The following IL17RB variants were observed in gnomAD, a reference collection of about 807,000 sequenced individuals.
IL17RB encodes interleukin 17 receptor B.
IL17RB carries 36 observed loss-of-function variants against 43.9 expected under a neutral mutation model. The ratio of observed to expected loss-of-function variants is 0.82; its 90% CI spans 0.63 to 1.08. The LOEUF (loss-of-function observed/expected upper bound fraction) is 1.08. Among genes scored for constraint, IL17RB ranks in the 50% least tolerant of loss-of-function variants. IL17RB has a pLI of 0.00. For missense variants in IL17RB, 613 were observed against 613.6 expected (o/e 1.00, Z 0.01); for synonymous variants, 225 against 225.4 (o/e 1.00, Z 0.02).
intron 3 of IL17RB, among the ~76,000 whole-genome samples, chr3:53,850,800 CAAAAT>C (rs59205078): frequency 0.49 from 72,742 of 149,870 alleles, 19,376 homozygotes; most frequent in African/African-American, 0.73. Flanking sequence ...GAGACTGTCT[CAAAAT>C]AAAATAAAAT....
intron 8 of IL17RB, chr3:53,858,143 T>C: frequency 5.4e-6 from 1 of 186,808 alleles, no homozygotes; most frequent in Admixed American, 5.4e-5. Flanking sequence ...CTCCTTCACC[T>C]CTCAGTATGT....
intron 3 of IL17RB, among the ~76,000 whole-genome samples, chr3:53,850,171 G>A (rs1699082317): frequency 6.6e-6 from 1 of 152,242 alleles, no homozygotes; most frequent in Non-Finnish European, 1.5e-5. Context: ...TACAGAAAGT[G>A]CCAAGCAAAC....
chr3:53,865,570 G>A lies in IL17RB; in HGVS notation c.*262G>A. On this transcript the variant is annotated 3_prime_UTR_variant, in exon 11 of 11. Coordinates refer to ENST00000288167, the MANE Select transcript of IL17RB (RefSeq NM_018725.4). ...TGAAAACTATAACCATTTTGATAAT[G>A]CAACAATAAAGCATCTTCAGCCAAA... 1 of 417,278 alleles carries A rather than the reference G, an allele frequency of 2.4e-6. No individual in the cohort carries two copies. Among genetic ancestry groups the A allele is most frequent in the Non-Finnish European group, 4.3e-6 (1 of 233,488 alleles). 25.8% of individuals were successfully genotyped at this position (417,278 alleles called of 1,614,324 possible).
Position 53,846,739 on chromosome 3 carries a change from A to G in IL17RB, c.60+91A>G. 4 of 1,367,120 alleles carry G rather than the reference A, an allele frequency of 2.9e-6. No individual in the cohort carries two copies. The South Asian group carries it at 5.3e-5, about 18-fold the overall frequency. 84.7% of individuals were successfully genotyped at this position (1,367,120 alleles called of 1,614,324 possible). On this transcript the variant is annotated intron_variant, in intron 1 of 10. Transcript: ENST00000288167. ...GATCCGCCAGTCCAGGCTGCCCCGA[A>G]GGCGTGCGCGGACTGCCGGCTCAAG...
At chr3:53,864,692 T>G (rs529594641) in intron 10 of IL17RB, 54 bp from the exon 11 acceptor site, 2 of 1,335,070 alleles carry the variant, frequency 1.5e-6, no homozygotes, top group East Asian at 4.6e-5. Context: ...GTTTACAGAG[T>G]GAAAGCCTGC....
intron 5 of IL17RB, 37 bp from the exon 6 acceptor site, chr3:53,855,257 T>C (rs764633318): frequency 6.7e-7 from 1 of 1,497,634 alleles, no homozygotes; most frequent in Admixed American, 1.7e-5. Context: ...AGAGATACCT[T>C]TTTCTAAAAT....
intron 6 of IL17RB, among the ~76,000 whole-genome samples, chr3:53,856,384 C>G (rs1263418833): frequency 1.3e-5 from 2 of 152,240 alleles, no homozygotes; most frequent in Non-Finnish European, 2.9e-5. Context: ...TCTAGTGAAG[C>G]TGGCAGAATG....
chr3:53,850,281 G>A (rs6445609), intron 3 of IL17RB, among the ~76,000 whole-genome samples: 8,206 of 152,188 alleles, frequency 0.054, 741 homozygotes, highest in African/African-American at 0.19. Context: ...TGGATCACTT[G>A]AGGCCAGGAG....
chr3:53,850,932 C>T (rs542489089), intron 3 of IL17RB, among the ~76,000 whole-genome samples: 7 of 152,226 alleles, frequency 4.6e-5, no homozygotes, highest in South Asian at 2.1e-4. Flanking sequence ...ATGAGTGTCC[C>T]GATGCATCAA....
chr3:53,847,645 G>C (rs934932027), intron 1 of IL17RB, among the ~76,000 whole-genome samples: 1 of 151,674 alleles, frequency 6.6e-6, no homozygotes, highest in South Asian at 2.1e-4. Context: ...AATACAAAAA[G>C]TAGCCGGGCA....
Position 53,852,111 on chromosome 3 carries a change from A to C in IL17RB, c.339A>C (p.Arg113Ser). ...NYTEAFQTQT[R>S]PSGGKWTFSY... is the part of the protein sequence containing the mutation. ...CAGAGGCCTTCCAGACTCAGACCAG[A>C]CCCTCTGGTGGTAAAGTAAGCACTT... Residue 113 changes from arginine (R) to serine (S), a missense_variant, in exon 4 of 11, where the codon AGA becomes AGC. Physicochemically the swap from Arg to Ser is moderately radical, Grantham distance 110 (BLOSUM62 -1). Coordinates refer to ENST00000288167, the MANE Select transcript of IL17RB (RefSeq NM_018725.4). 1 of 1,613,882 alleles carries C rather than the reference A, an allele frequency of 6.2e-7. No individual in the cohort carries two copies. Among genetic ancestry groups the C allele is most frequent in the Non-Finnish European group, 8.5e-7 (1 of 1,179,982 alleles).
chr3:53,849,750 G>T lies in IL17RB; in HGVS notation c.181G>T (p.Asp61Tyr). 3 of 1,612,412 alleles carry T rather than the reference G, an allele frequency of 1.9e-6. No individual in the cohort carries two copies. The South Asian group carries it at 3.3e-5, about 18-fold the overall frequency. Residue 61 changes from aspartate (D) to tyrosine (Y), a missense_variant, in exon 3 of 11, where the codon GAC becomes TAC. Asp to Tyr is a radical substitution (Grantham distance 160). Coordinates refer to ENST00000288167, the MANE Select transcript of IL17RB (RefSeq NM_018725.4). ...TGTTACAACTAGTGTTGCAACAGGG[G>T]ACTATTCAATTTTGATGAATGTAAG... ...EPVTTSVATGDYSILMNVSWV... is the reference protein window; with the variant it reads ...EPVTTSVATGYYSILMNVSWV...
chr3:53,847,145 G>A (rs951230880), intron 1 of IL17RB, among the ~76,000 whole-genome samples: 2 of 152,072 alleles, frequency 1.3e-5, no homozygotes, highest in Middle Eastern at 3.2e-3. Context: ...AATGATCGAG[G>A]GAATCTTCTG....
At chr3:53,861,999 C>G (rs915235815) in intron 10 of IL17RB, among the ~76,000 whole-genome samples, 1 of 152,140 alleles carries the variant, frequency 6.6e-6, no homozygotes. Flanking sequence ...AACCCCCTGG[C>G]CTTGAAGGGA....
intron 8 of IL17RB, 105 bp from the exon 9 acceptor site, chr3:53,858,614 T>G (rs9840079): frequency 0.49 from 729,848 of 1,503,852 alleles, 186,641 homozygotes; most frequent in East Asian, 0.95. Context: ...ACTAGAGGTA[T>G]GGGCGAAGCC....
At chr3:53,848,352 A>C (rs1200676864) in intron 1 of IL17RB, among the ~76,000 whole-genome samples, 1 of 152,224 alleles carries the variant, frequency 6.6e-6, no homozygotes, top group African/African-American at 2.4e-5. Flanking sequence ...ATCGGTCCCA[A>C]GTCATCCCCT....
rs761074939 is a variant in IL17RB, at chr3:53,846,638, C to T, written c.50C>T (p.Pro17Leu). The T allele has an allele frequency of 1.9e-6, 3 of 1,592,546 alleles. No homozygotes were observed. The highest frequency in any genetic ancestry group is 8.5e-7 in the Non-Finnish European group (1 of 1,172,636). Residue 17 changes from proline to leucine, a missense_variant, in exon 1 of 11, where the codon CCC becomes CTC. Physicochemically the swap from Pro to Leu is moderately conservative, Grantham distance 98 (BLOSUM62 -3). Coordinates refer to ENST00000288167, the MANE Select transcript of IL17RB (RefSeq NM_018725.4). ...SLAALCRSAV[P>L]REPTVQCGSE... is the part of the protein sequence containing the mutation. ...GCCGCGCTGTGCAGGAGCGCCGTAC[C>T]CCGAGAGCCGGTAAGCCCCCGCCAG...
intron 4 of IL17RB, 42 bp from the exon 5 acceptor site, chr3:53,852,829 G>A (rs1417915762): frequency 6.2e-7 from 1 of 1,601,462 alleles, no homozygotes; most frequent in Non-Finnish European, 8.6e-7. Flanking sequence ...TTTCTGTACT[G>A]CAGTGTTTTG....
At chr3:53,850,623 G>C (rs996911594) in intron 3 of IL17RB, among the ~76,000 whole-genome samples, 1 of 151,686 alleles carries the variant, frequency 6.6e-6, no homozygotes, top group Admixed American at 6.6e-5. Flanking sequence ...GGCCAACATG[G>C]TGAAACTCCA....
Sources: allele counts gnomAD v4.1 joint callset (sites outside exome capture counted in the v4.1 genomes callset), GRCh38; gene constraint gnomAD v4.1.1; transcripts MANE v1.5; gene names NCBI Gene and HGNC (gene_info 2026-07-23, HGNC 2026-07-21).